Variants in FBXL7 observed in about 807,000 individuals in gnomAD.
The protein encoded by FBXL7 is F-box/LRR-repeat protein 7.
A neutral mutation model predicts 38.3 loss-of-function variants in FBXL7; 12 were observed. That is an observed-to-expected ratio of 0.31 (90% confidence interval 0.20 to 0.51). The LOEUF (loss-of-function observed/expected upper bound fraction) is 0.51. Ranked by LOEUF, FBXL7 falls within the 20% of genes least tolerant of loss-of-function variation. The probability of loss-of-function intolerance (pLI) is 0.98; values close to 1 mark genes in which losing one functional copy is unlikely to be tolerated. For synonymous variants in FBXL7, 297 were observed against 300.9 expected (o/e 0.99, Z 0.13); for missense variants, 567 against 676.4 (o/e 0.84, Z 1.79).
At chr5:15,521,815 A>G (rs1737102925) in intron 1 of FBXL7, among the ~76,000 whole-genome samples, 1 of 152,224 alleles carries the variant, frequency 6.6e-6, no homozygotes, top group Admixed American at 6.5e-5. Flanking sequence ...CCTAAGGGGG[A>G]TGATGGAGCT....
chr5:15,776,973 C>G (rs1736872410), intron 2 of FBXL7, among the ~76,000 whole-genome samples: 1 of 152,034 alleles, frequency 6.6e-6, no homozygotes, highest in Non-Finnish European at 1.5e-5. Flanking sequence ...TTCTTAATCA[C>G]TCTGTATATG....
chr5:15,863,618 A>T (rs1446926841), intron 2 of FBXL7, among the ~76,000 whole-genome samples: 1 of 152,152 alleles, frequency 6.6e-6, no homozygotes, highest in African/African-American at 2.4e-5. Context: ...ACCAAATCTC[A>T]TGTTGAAATT....
chr5:15,659,682 G>A (rs1172852337), intron 2 of FBXL7, among the ~76,000 whole-genome samples: 1 of 152,194 alleles, frequency 6.6e-6, no homozygotes, highest in Non-Finnish European at 1.5e-5. Context: ...GAATGATGGT[G>A]TAAGGAGTAT....
At chr5:15,675,164 CTT>C (rs1167541023) in intron 2 of FBXL7, among the ~76,000 whole-genome samples, 2 of 152,208 alleles carry the variant, frequency 1.3e-5, no homozygotes, top group African/African-American at 4.8e-5. Flanking sequence ...CCAAAATACA[CTT>C]TATCTTCAAA....
chr5:15,546,776 T>C (rs1167898328), intron 1 of FBXL7, among the ~76,000 whole-genome samples: 1 of 152,098 alleles, frequency 6.6e-6, no homozygotes, highest in Non-Finnish European at 1.5e-5. Context: ...TAAAATTACA[T>C]ATGGGTCTCA....
At chr5:15,638,549 A>G (rs1175456993) in intron 2 of FBXL7, among the ~76,000 whole-genome samples, 2 of 152,064 alleles carry the variant, frequency 1.3e-5, no homozygotes, top group Non-Finnish European at 2.9e-5. Context: ...GAGCCATTGC[A>G]TAATTCCAGT....
chr5:15,561,865 T>G (rs563233852), intron 1 of FBXL7, among the ~76,000 whole-genome samples: 1 of 152,228 alleles, frequency 6.6e-6, no homozygotes, highest in East Asian at 1.9e-4. Context: ...GGCATCACAT[T>G]TCTTGATTTC....
In FBXL7 at chr5:15,753,187, T is replaced by A. The variant is rs190393054; in HGVS notation, c.127+137115T>A. Reference sequence around the variant, plus strand: ...CTCTAGGACACACTCTCTCTTTTTTTCCCCGTATAGTGCTTGTGACTGATG... The same window carrying A: ...CTCTAGGACACACTCTCTCTTTTTTACCCCGTATAGTGCTTGTGACTGATG... On this transcript the variant is annotated intron_variant, in intron 2 of 3. Transcript: ENST00000504595. Among the ~76,000 whole-genome samples, 318 of 152,192 alleles carry A rather than the reference T, an allele frequency of 2.1e-3. 3 individuals carry two copies. Among genetic ancestry groups the A allele is most frequent in the African/African-American group, 7.4e-3 (308 of 41,530 alleles).
rs74790882 is a variant in FBXL7 at position 15,506,868 on chromosome 5, C to G, written c.37+6155C>G. Among the ~76,000 whole-genome samples the G allele has an allele frequency of 4.3e-3, 657 of 151,566 alleles. 5 individuals carry two copies. Among genetic ancestry groups the G allele is most frequent in the African/African-American group, 0.015 (632 of 41,282 alleles). ...TCAGCATATGAATTTTGGGAGGGCA[C>G]AATCATTCACTCCTTTGCAAAGTGT... On this transcript the variant is annotated intron_variant, in intron 1 of 3. Transcript: ENST00000504595.
rs573566433 is a variant in FBXL7 at position 15,845,863 on chromosome 5, C to T, written c.128-82027C>T. The stretch of plus-strand genomic sequence containing the variant: ...GCGGGTGCCTGGAGTCCCAGCTACT[C>T]GGGAGGCTGAGGCAGGAGAATGGCG... On this transcript the variant is annotated intron_variant, in intron 2 of 3. Transcript: ENST00000504595. Among the ~76,000 whole-genome samples the T allele has an allele frequency of 6.6e-5, 10 of 152,130 alleles. No homozygotes were observed. In the East Asian group the frequency reaches 9.7e-4, roughly 15 times the overall value.
chr5:15,634,846 A>T (rs1349735205), intron 2 of FBXL7, among the ~76,000 whole-genome samples: 1 of 152,116 alleles, frequency 6.6e-6, no homozygotes, highest in Non-Finnish European at 1.5e-5. Flanking sequence ...CTTTAAAGCC[A>T]GTAGCATAGC....
chr5:15,711,261 T>C lies in FBXL7; in HGVS notation c.127+95189T>C, dbSNP rs79958950. Among the ~76,000 whole-genome samples, 325 of 152,316 alleles carry C rather than the reference T, an allele frequency of 2.1e-3. 3 individuals are homozygous for C. Among genetic ancestry groups the C allele is most frequent in the African/African-American group, 7.2e-3 (299 of 41,576 alleles). Reference sequence around the variant, plus strand: ...GTTACTTGCCTCATCCAGCTTCTAGTAGCTCTGGAGATTCCTGGCTTGCAG... The same window carrying C: ...GTTACTTGCCTCATCCAGCTTCTAGCAGCTCTGGAGATTCCTGGCTTGCAG... On this transcript the variant is annotated intron_variant, in intron 2 of 3. Coordinates refer to ENST00000504595, the MANE Select transcript of FBXL7 (RefSeq NM_012304.5).
At chr5:15,586,544 A>G (rs950261898) in intron 1 of FBXL7, among the ~76,000 whole-genome samples, 5 of 152,006 alleles carry the variant, frequency 3.3e-5, no homozygotes, top group African/African-American at 1.2e-4. Flanking sequence ...AGAAGCTATG[A>G]TGGAGAAACC....
intron 2 of FBXL7, among the ~76,000 whole-genome samples, chr5:15,861,079 A>G (rs1245700052): frequency 2.0e-5 from 3 of 152,146 alleles, no homozygotes; most frequent in Middle Eastern, 3.2e-3. Flanking sequence ...TTAACACTGC[A>G]TGTTTTGTGG....
At chr5:15,510,320 T>C (rs1736761008) in intron 1 of FBXL7, among the ~76,000 whole-genome samples, 1 of 152,250 alleles carries the variant, frequency 6.6e-6, no homozygotes, top group African/African-American at 2.4e-5. Context: ...GGAATTTCTC[T>C]GATATTTGTG....
At chr5:15,804,552 A>C (rs1737655157) in intron 2 of FBXL7, among the ~76,000 whole-genome samples, 1 of 152,210 alleles carries the variant, frequency 6.6e-6, no homozygotes, top group African/African-American at 2.4e-5. Flanking sequence ...TCCCTAACAA[A>C]GTACCCCACA....
At chr5:15,636,886 A>G (rs1271868283) in intron 2 of FBXL7, among the ~76,000 whole-genome samples, 1 of 152,194 alleles carries the variant, frequency 6.6e-6, no homozygotes, top group Non-Finnish European at 1.5e-5. Context: ...TACATTCTTA[A>G]TCAGAAATTC....
intron 2 of FBXL7, among the ~76,000 whole-genome samples, chr5:15,862,313 C>T (rs1196260933): frequency 3.3e-5 from 5 of 152,156 alleles, no homozygotes; most frequent in Non-Finnish European, 7.3e-5. Context: ...TGAAACGTGC[C>T]TTTCACCTTC....
At chr5:15,514,951 A>T (rs181029871) in intron 1 of FBXL7, among the ~76,000 whole-genome samples, 1 of 152,274 alleles carries the variant, frequency 6.6e-6, no homozygotes, top group East Asian at 1.9e-4. Flanking sequence ...TTGCAACTAC[A>T]TCATAGACCA....
Sources: allele counts gnomAD v4.1 joint callset (sites outside exome capture counted in the v4.1 genomes callset), GRCh38; gene constraint gnomAD v4.1.1; transcripts MANE v1.5; gene names NCBI Gene and HGNC (gene_info 2026-07-23, HGNC 2026-07-21).